Variants in PDGFC observed in about 807,000 individuals in gnomAD.
The protein encoded by PDGFC is platelet derived growth factor C.
PDGFC carries 12 observed loss-of-function variants against 35.5 expected under a neutral mutation model. That is an observed-to-expected ratio of 0.34 (90% confidence interval 0.22 to 0.55). The LOEUF (loss-of-function observed/expected upper bound fraction) is 0.55. Ranked by LOEUF, PDGFC falls within the 20% of genes least tolerant of loss-of-function variation. The pLI, the probability that PDGFC is intolerant of heterozygous loss-of-function variation, is 0.91. For missense variants in PDGFC, 322 were observed against 412.4 expected (o/e 0.78, Z 1.90); for synonymous variants, 159 against 148.8 (o/e 1.07, Z -0.50).
At chr4:156,943,742 A>C (rs536446366) in intron 1 of PDGFC, among the ~76,000 whole-genome samples, 1 of 152,274 alleles carries the variant, frequency 6.6e-6, no homozygotes, top group African/African-American at 2.4e-5. Context: ...CCTGTGAACT[A>C]GTTCTTAATG....
chr4:156,852,232 T>C (rs1729475074), intron 1 of PDGFC, among the ~76,000 whole-genome samples: 1 of 152,096 alleles, frequency 6.6e-6, no homozygotes, highest in Non-Finnish European at 1.5e-5. Flanking sequence ...CACTGAACAC[T>C]GTATTTGCAG....
intron 1 of PDGFC, among the ~76,000 whole-genome samples, chr4:156,932,287 CTGTT>C (rs529338952): frequency 6.6e-6 from 1 of 152,218 alleles, no homozygotes; most frequent in East Asian, 1.9e-4. Context: ...ACAACACACT[CTGTT>C]TGTGTTCAAA....
At chr4:156,901,233 G>A (rs1730775328) in intron 1 of PDGFC, among the ~76,000 whole-genome samples, 1 of 152,160 alleles carries the variant, frequency 6.6e-6, no homozygotes, top group African/African-American at 2.4e-5. Flanking sequence ...GACCATGGGT[G>A]GCTTTGATAT....
intron 1 of PDGFC, among the ~76,000 whole-genome samples, chr4:156,969,981 G>A (rs927878443): frequency 2.0e-5 from 3 of 152,194 alleles, no homozygotes; most frequent in African/African-American, 7.2e-5. Flanking sequence ...CAGAGGCTAA[G>A]CAAATTACAC....
In PDGFC at chr4:156,899,755, C is replaced by T. The variant is rs548119819; in HGVS notation, c.119-49339G>A. On this transcript the variant is annotated intron_variant, in intron 1 of 5. Transcript: ENST00000502773. ...GCTTGAGCCCAGCAGGTGGAGGTTA[C>T]AGTGAGCTGAGATTGTGCCATTGCA... Among the ~76,000 whole-genome samples, 78 of 152,330 alleles carry T rather than the reference C, an allele frequency of 5.1e-4. 1 individual carries two copies. Among genetic ancestry groups the T allele is most frequent in the Admixed American group, 4.8e-3 (73 of 15,300 alleles).
chr4:156,914,076 T>G (rs1187031604), intron 1 of PDGFC, among the ~76,000 whole-genome samples: 1 of 152,166 alleles, frequency 6.6e-6, no homozygotes, highest in Non-Finnish European at 1.5e-5. Flanking sequence ...ATTACAATGA[T>G]CAATTAATTG....
chr4:156,875,311 C>G (rs1730086921), intron 1 of PDGFC, among the ~76,000 whole-genome samples: 4 of 152,024 alleles, frequency 2.6e-5, no homozygotes, highest in Admixed American at 2.0e-4. Flanking sequence ...TCAGAGGCAA[C>G]AGAGATAAAA....
rs75939038 is a variant in PDGFC at position 156,910,030 on chromosome 4, G to C, written c.119-59614C>G. 7.7e-3 allele frequency among the ~76,000 whole-genome samples: 1,174 copies of C among 152,172 alleles called. 14 individuals are homozygous for C. The highest frequency in any genetic ancestry group is 0.073 in the East Asian group (379 of 5,158). On this transcript the variant is annotated intron_variant, in intron 1 of 5. Transcript: ENST00000502773. Reference sequence around the variant, plus strand: ...TACTATCACAACCTCCAAAAGCTTAGAGACAGTCATGAACAAATTTTTCCT... The same window carrying C: ...TACTATCACAACCTCCAAAAGCTTACAGACAGTCATGAACAAATTTTTCCT...
At chr4:156,830,791 T>G (rs999482543) in intron 2 of PDGFC, among the ~76,000 whole-genome samples, 2 of 152,182 alleles carry the variant, frequency 1.3e-5, no homozygotes, top group Non-Finnish European at 2.9e-5. Flanking sequence ...TTGAAAAATG[T>G]GATCAATTAA....
intron 3 of PDGFC, among the ~76,000 whole-genome samples, chr4:156,777,369 C>A (rs1363133753): frequency 6.6e-6 from 1 of 152,106 alleles, no homozygotes; most frequent in East Asian, 1.9e-4. Context: ...CTACTAAAGT[C>A]CTACTCACAG....
chr4:156,895,450 T>A (rs10009414), intron 1 of PDGFC, among the ~76,000 whole-genome samples: 1 of 151,666 alleles, frequency 6.6e-6, no homozygotes, highest in Non-Finnish European at 1.5e-5. Context: ...CTGGCCAACA[T>A]GGTAAACCCC....
chr4:156,851,664 A>G (rs17035321), intron 1 of PDGFC, among the ~76,000 whole-genome samples: 5,060 of 152,118 alleles, frequency 0.033, 307 homozygotes, highest in African/African-American at 0.12. Flanking sequence ...CCATGTAAGG[A>G]CCATCGCGGT....
At position 156,761,923 on chromosome 4, in the gene PDGFC, T is replaced by C. The variant is rs1237800698; in HGVS notation, c.*1167A>G. On this transcript the variant is annotated 3_prime_UTR_variant, in exon 6 of 6. Transcript: ENST00000502773. ...CTTTATCAGGAAGCTGCCAAGTCTTTTTCAAGGTGCTTTATGTTTTTCTGA... is the reference window on the plus strand; with the variant it reads ...CTTTATCAGGAAGCTGCCAAGTCTTCTTCAAGGTGCTTTATGTTTTTCTGA... The C allele has an allele frequency of 6.6e-6, 1 of 152,650 alleles. No individual in the cohort carries two copies. Among genetic ancestry groups the C allele is most frequent in the African/African-American group, 2.4e-5 (1 of 41,462 alleles). The allele number at this position is 152,650 out of a possible 1,614,324, so 9.5% of individuals were successfully genotyped here. A position where few individuals can be genotyped will look rare whatever the true frequency, so the allele number is the denominator to read the frequency against.
chr4:156,908,336 T>G (rs970812477), intron 1 of PDGFC, among the ~76,000 whole-genome samples: 1 of 152,154 alleles, frequency 6.6e-6, no homozygotes, highest in East Asian at 1.9e-4. Flanking sequence ...ATATAATACT[T>G]TGTGAAAGGC....
chr4:156,793,978 ACTAATACCTTAGTAGCAT>A (rs1731371389), intron 3 of PDGFC, among the ~76,000 whole-genome samples: 1 of 152,164 alleles, frequency 6.6e-6, no homozygotes, highest in African/African-American at 2.4e-5. Context: ...CTGAGGAGCT[ACTAATACCTTAGTAGCAT>A]CCAAGGTCTT....
At chr4:156,910,317 G>A (rs1048819518) in intron 1 of PDGFC, among the ~76,000 whole-genome samples, 1 of 152,064 alleles carries the variant, frequency 6.6e-6, no homozygotes, top group African/African-American at 2.4e-5. Context: ...TTTCATGACT[G>A]TAGTACAATG....
intron 1 of PDGFC, among the ~76,000 whole-genome samples, chr4:156,930,246 T>C (rs1211060487): frequency 6.6e-6 from 1 of 152,294 alleles, no homozygotes; most frequent in East Asian, 1.9e-4. Context: ...TGCTATATGA[T>C]TTTTCCAGGC....
At chr4:156,861,324 T>C (rs1729704850) in intron 1 of PDGFC, 1 of 365,814 alleles carries the variant, frequency 2.7e-6, no homozygotes, top group Non-Finnish European at 5.2e-6. Context: ...ATTCTCTTGC[T>C]CTAATATGGT....
At chr4:156,785,448 A>C (rs1402846233) in intron 3 of PDGFC, among the ~76,000 whole-genome samples, 1 of 152,166 alleles carries the variant, frequency 6.6e-6, no homozygotes, top group African/African-American at 2.4e-5. Context: ...TCCTGACCTC[A>C]GGTGATCTGC....
Sources: allele counts gnomAD v4.1 joint callset (sites outside exome capture counted in the v4.1 genomes callset), GRCh38; gene constraint gnomAD v4.1.1; transcripts MANE v1.5; gene names NCBI Gene and HGNC (gene_info 2026-07-23, HGNC 2026-07-21).